CFAP47: variants seen among roughly 807,000 people sequenced by gnomAD.
CFAP47 encodes cilia- and flagella-associated protein 47.
CFAP47 carries 29 observed loss-of-function variants against 148.1 expected under a neutral mutation model. The observed-to-expected ratio is 0.20, with a 90% CI of 0.15 to 0.27. The LOEUF (loss-of-function observed/expected upper bound fraction) is 0.27. CFAP47 is among the 10% of genes least tolerant of loss of function. CFAP47 has a pLI of 1.00. For synonymous variants in CFAP47, 664 were observed against 577.3 expected (o/e 1.15, Z -2.15); for missense variants, 1,872 against 1,697.5 (o/e 1.10, Z -1.81).
intron 3 of CFAP47, 70 bp from the exon 4 acceptor site, chrX:35,948,244 C>A: frequency 1.0e-6 from 1 of 968,585 alleles, no homozygotes; most frequent in African/African-American, 1.9e-5. Flanking sequence ...GTATGTTGGT[C>A]CCCTACTGAG....
chrX:36,003,286 G>A (rs1936937219), intron 21 of CFAP47, among the ~76,000 whole-genome samples: 1 of 108,788 alleles, frequency 9.2e-6, no homozygotes, highest in South Asian at 4.0e-4. Context: ...AATCTCACTA[G>A]ATCATAAGAT....
chrX:36,299,277 C>G (rs1323085056), intron 52 of CFAP47, 125 bp downstream of exon 52: 1 of 382,998 alleles, frequency 2.6e-6, no homozygotes, highest in East Asian at 4.7e-5. Flanking sequence ...TTGTTTAATA[C>G]TAGTCCCTGA....
chrX:36,336,244 G>GACACACACACAC (rs781925226), intron 57 of CFAP47, among the ~76,000 whole-genome samples: 5 of 65,709 alleles, frequency 7.6e-5, no homozygotes, highest in East Asian at 5.0e-4. Context: ...CAGACACACA[G>GACACACACACAC]ACACACACAC....
At chrX:36,214,288 C>T (rs1481508082) in intron 45 of CFAP47, among the ~76,000 whole-genome samples, 1 of 111,203 alleles carries the variant, frequency 9.0e-6, no homozygotes, top group African/African-American at 3.3e-5. Flanking sequence ...AAAGATATAC[C>T]TGTACAGGAT....
At chrX:36,130,066 A>C (rs1938918114) in intron 33 of CFAP47, among the ~76,000 whole-genome samples, 3 of 111,361 alleles carry the variant, frequency 2.7e-5, no homozygotes, top group Admixed American at 9.6e-5. Flanking sequence ...CTGTAACTAA[A>C]ATTTTTAAAA....
intron 14 of CFAP47, 67 bp from the exon 15 acceptor site, chrX:35,975,605 G>C: frequency 2.7e-6 from 3 of 1,098,553 alleles, no homozygotes; most frequent in Non-Finnish European, 3.8e-6. Flanking sequence ...CATTTTACGT[G>C]TAGCTGAATT....
intron 40 of CFAP47, among the ~76,000 whole-genome samples, chrX:36,185,487 A>G (rs1939796902): frequency 9.0e-6 from 1 of 111,567 alleles, no homozygotes; most frequent in Non-Finnish European, 1.9e-5. Context: ...CCATGATCCT[A>G]TTCTTCTAGA....
rs377222472 is a variant in CFAP47 at position 35,930,022 on chromosome X, C to CA, written c.401+3863dup. On this transcript the variant is annotated intron_variant, in intron 2 of 63. Transcript: ENST00000378653. ...AAAAAAACAAAACAAAACAAACAAA[C>CA]AAAAAAAAACAGTGAGACATCCTTT... Among the ~76,000 whole-genome samples the CA allele has an allele frequency of 4.8e-3, 523 of 107,903 alleles. 5 individuals are homozygous for CA. The highest frequency in any genetic ancestry group is 0.014 in the African/African-American group (405 of 29,483). The allele number at this position is 107,903 out of a possible 115,157, so 93.7% of individuals were successfully genotyped here.
intron 45 of CFAP47, among the ~76,000 whole-genome samples, chrX:36,220,143 C>T (rs1555990618): frequency 9.0e-6 from 1 of 111,394 alleles, no homozygotes; most frequent in African/African-American, 3.3e-5. Context: ...TATTAGGTCA[C>T]AGTCAAAAGG....
chrX:36,099,730 G>T, intron 31 of CFAP47, 21 bp from the exon 32 acceptor site: 2 of 733,813 alleles, frequency 2.7e-6, no homozygotes, highest in Non-Finnish European at 4.1e-6. Flanking sequence ...AATTAATGTT[G>T]TACTATTTTA....
chrX:36,001,792 C>T (rs1412563662), intron 21 of CFAP47, 85 bp downstream of exon 21: 3 of 266,507 alleles, frequency 1.1e-5, no homozygotes, highest in Non-Finnish European at 2.0e-5. Context: ...CAAGATCTAT[C>T]TGTGGAGGGT....
At chrX:36,232,257 T>C (rs1940374286) in intron 46 of CFAP47, among the ~76,000 whole-genome samples, 1 of 111,743 alleles carries the variant, frequency 8.9e-6, no homozygotes, top group Admixed American at 9.5e-5. Context: ...CTCTTTTTGG[T>C]TGGTAAGCTA....
intron 33 of CFAP47, among the ~76,000 whole-genome samples, chrX:36,120,517 C>T (rs1027932643): frequency 2.7e-5 from 3 of 110,828 alleles, no homozygotes; most frequent in Non-Finnish European, 5.7e-5. Flanking sequence ...TGAAATTCTC[C>T]GTTACTACTA....
At chrX:36,377,840 AG>A (rs1178576735) in intron 62 of CFAP47, among the ~76,000 whole-genome samples, 1 of 112,363 alleles carries the variant, frequency 8.9e-6, no homozygotes, top group African/African-American at 3.2e-5. Context: ...TTTGTGTGTC[AG>A]GCATTAATCT....
At chrX:35,971,475 A>T in intron 11 of CFAP47, 111 bp from the exon 12 acceptor site, 1 of 475,197 alleles carries the variant, frequency 2.1e-6, no homozygotes. Context: ...GGTTAAGTGG[A>T]TATGAGTGAG....
intron 22 of CFAP47, among the ~76,000 whole-genome samples, chrX:36,027,582 A>G (rs1199047457): frequency 9.1e-6 from 1 of 110,236 alleles, no homozygotes; most frequent in Non-Finnish European, 1.9e-5. Context: ...GTGTGCATGC[A>G]TGTGTGCATA....
At chrX:35,988,786 T>C (rs1476766124) in intron 15 of CFAP47, among the ~76,000 whole-genome samples, 1 of 112,292 alleles carries the variant, frequency 8.9e-6, no homozygotes, top group Non-Finnish European at 1.9e-5. Flanking sequence ...CTCAATGTAT[T>C]TGAATTATAG....
At chrX:36,256,740 G>A (rs1200262895) in intron 49 of CFAP47, among the ~76,000 whole-genome samples, 2 of 111,865 alleles carry the variant, frequency 1.8e-5, no homozygotes, top group East Asian at 5.7e-4. Context: ...TTTGGGGCTT[G>A]GTGATCCAAA....
chrX:36,113,811 T>C (rs1938592101), intron 33 of CFAP47, among the ~76,000 whole-genome samples: 1 of 108,631 alleles, frequency 9.2e-6, no homozygotes, highest in Non-Finnish European at 1.9e-5. Flanking sequence ...TCTCTATTCT[T>C]GTCTGTCTTT....
Sources: gnomAD v4.1 joint callset for allele counts (sites outside exome capture counted in the v4.1 genomes callset) on GRCh38, gnomAD v4.1.1 for gene constraint, MANE v1.5 for transcripts, NCBI Gene and HGNC (gene_info 2026-07-23, HGNC 2026-07-21) for gene names.